C5orf34: variants seen among roughly 807,000 people sequenced by gnomAD.
C5orf34 encodes uncharacterized protein C5orf34.
In C5orf34, 73 loss-of-function variants were observed where a neutral mutation model predicts 78.4. That is an observed-to-expected ratio of 0.93 (90% CI 0.77 to 1.13). The LOEUF (loss-of-function observed/expected upper bound fraction) is 1.13, where lower values mean the gene tolerates loss of function less well. Ranked by LOEUF, C5orf34 falls within the 50% of genes most tolerant of loss-of-function variation. The pLI is 0.00. For synonymous variants in C5orf34, 251 were observed against 246.6 expected (o/e 1.02, Z -0.17); for missense variants, 730 against 732.7 (o/e 1.00, Z 0.04).
chr5:43,492,242 T>A lies in C5orf34; in HGVS notation c.1553A>T (p.Gln518Leu), dbSNP rs1745314475. 1 of 1,611,960 alleles carries A rather than the reference T, an allele frequency of 6.2e-7. No individual in the cohort carries two copies. Among genetic ancestry groups the A allele is most frequent in the African/African-American group, 1.3e-5 (1 of 74,858 alleles). Reference protein sequence around the residue: ...TFPDGQEQLIQIEHPEPYERY... With the variant: ...TFPDGQEQLILIEHPEPYERY... ...TTCATATGGTTCAGGGTGTTCAATC[T>A]GAATTAACTGCTCTTGTCCATCAGG... The change falls in exon 10 of 13, where the codon CAG becomes CTG. Residue 518 changes from glutamine (Q) to leucine (L), a missense_variant. Physicochemically the swap from Gln to Leu is moderately radical, Grantham distance 113 (BLOSUM62 -2). Transcript: ENST00000306862.
intron 6 of C5orf34, among the ~76,000 whole-genome samples, chr5:43,497,650 C>T (rs563692348): frequency 6.6e-6 from 1 of 152,264 alleles, no homozygotes; most frequent in Admixed American, 6.5e-5. Flanking sequence ...GCCTACCATC[C>T]AGACTTATCT....
chr5:43,490,962 G>C (rs1290208492), intron 10 of C5orf34, among the ~76,000 whole-genome samples: 1 of 152,024 alleles, frequency 6.6e-6, no homozygotes, highest in East Asian at 1.9e-4. Flanking sequence ...ATTAATACAA[G>C]TGACATTTAA....
Position 43,486,862 on chromosome 5 carries a change from C to A in C5orf34, c.*53G>T. ...GGCTTACTAGTAATTTTATACCAGT[C>A]ACTTGAAACAACATCCTTAAACTTT... On this transcript the variant is annotated 3_prime_UTR_variant, in exon 13 of 13. Transcript: ENST00000306862. 8.9e-7 allele frequency: 1 copy of A among 1,128,932 alleles called. No individual in the cohort carries two copies. The highest frequency in any genetic ancestry group is 2.2e-5 in the South Asian group (1 of 46,416). 69.9% of individuals were successfully genotyped at this position (1,128,932 alleles called of 1,614,324 possible).
rs1745803952 is a variant in C5orf34, at chr5:43,502,515, A to G, written c.1029-20T>C. 1.4e-6 allele frequency: 2 copies of G among 1,480,522 alleles called. No homozygotes were observed. The highest frequency in any genetic ancestry group is 1.8e-6 in the Non-Finnish European group (2 of 1,086,378). 91.7% of individuals were successfully genotyped at this position (1,480,522 alleles called of 1,614,324 possible). A position where few individuals can be genotyped will look rare whatever the true frequency, so the allele number is the denominator to read the frequency against. ...GTAAGTCTAAGAAATAGAAATAACC[A>G]TTAAAAATTTTTTTCCACTTGAGAT... On this transcript the variant is annotated intron_variant, in intron 5 of 12. Coordinates refer to ENST00000306862, the MANE Select transcript of C5orf34 (RefSeq NM_198566.4).
At chr5:43,509,051 G>C (rs890695482) in intron 2 of C5orf34, 94 bp downstream of exon 2, 6 of 940,370 alleles carry the variant, frequency 6.4e-6, no homozygotes, top group Admixed American at 2.2e-5. Context: ...GCTGCAGTGA[G>C]CTATGGTAGT....
In C5orf34 at chr5:43,490,719, T is replaced by C. The variant is rs766704524; in HGVS notation, c.1591A>G (p.Thr531Ala). Residue 531 changes from threonine to alanine, a missense_variant, in exon 11 of 13, where the codon ACA becomes GCA. Coordinates refer to ENST00000306862, the MANE Select transcript of C5orf34 (RefSeq NM_198566.4). Reference protein sequence around the residue: ...HPEPYERYVTTVTSWCRRLTQ... With the variant: ...HPEPYERYVTAVTSWCRRLTQ... ...AGTCTCCTGCACCATGATGTTACTG[T>C]TGTCACATATCTAAAGTGAATACAT... 6.7e-5 allele frequency: 105 copies of C among 1,572,692 alleles called. No individual in the cohort carries two copies. Among genetic ancestry groups the C allele is most frequent in the Non-Finnish European group, 8.7e-5 (100 of 1,143,404 alleles).
At chr5:43,493,704 A>T (rs1745381140) in intron 7 of C5orf34, 92 bp from the exon 8 acceptor site, 1 of 674,572 alleles carries the variant, frequency 1.5e-6, no homozygotes, top group African/African-American at 1.9e-5. Context: ...ATTTTAGATG[A>T]TCAGTAAATC....
chr5:43,511,873 C>A (rs1746275309), intron 1 of C5orf34, among the ~76,000 whole-genome samples: 1 of 152,008 alleles, frequency 6.6e-6, no homozygotes, highest in South Asian at 2.1e-4. Context: ...TCTCAAGTAC[C>A]CAGGGACACA....
intron 10 of C5orf34, among the ~76,000 whole-genome samples, chr5:43,491,137 C>T (rs2112268471): frequency 6.6e-6 from 1 of 152,252 alleles, no homozygotes; most frequent in South Asian, 2.1e-4. Flanking sequence ...CCAAAAAACA[C>T]CTGCTAATGC....
At chr5:43,495,849 G>A in intron 6 of C5orf34, 1 of 1,592,202 alleles carries the variant, frequency 6.3e-7, no homozygotes, top group Non-Finnish European at 8.6e-7. Context: ...TTAGCACTCG[G>A]CTCCAGCATG....
intron 12 of C5orf34, 40 bp from the exon 13 acceptor site, chr5:43,487,151 A>G: frequency 9.9e-7 from 1 of 1,008,286 alleles, no homozygotes; most frequent in Non-Finnish European, 1.4e-6. Flanking sequence ...CACATTTTTC[A>G]CTATATAAAT....
chr5:43,495,109 G>T (rs1365812099), intron 6 of C5orf34: 44 of 1,567,144 alleles, frequency 2.8e-5, no homozygotes, highest in Non-Finnish European at 3.8e-5. Flanking sequence ...CAGACTTCGT[G>T]ACCTTGCCAC....
intron 1 of C5orf34, among the ~76,000 whole-genome samples, chr5:43,509,761 TTTG>T (rs1417758006): frequency 2.2e-4 from 33 of 152,190 alleles, no homozygotes; most frequent in Admixed American, 5.2e-4. Flanking sequence ...TTTTGTTTTT[TTTG>T]TTTTTTTTTG....
In C5orf34 at chr5:43,487,050, AG is replaced by A; in HGVS notation, c.1781del (p.Ser594PhefsTer14). 6.3e-7 allele frequency: 1 copy of A among 1,577,748 alleles called. No individual in the cohort carries two copies. Among genetic ancestry groups the A allele is most frequent in the Non-Finnish European group, 8.6e-7 (1 of 1,163,832 alleles). On this transcript the variant is annotated frameshift_variant, in exon 13 of 13. Transcript: ENST00000306862. LOFTEE classifies it high-confidence loss of function. ...QISNKKNEQQ[S>X]FDHYKPGSSE... ...AAGATCCTGGTTTATAATGATCAAA[AG>A]ACTGTTGTTCATTTTTCTTGTTAGA... is the stretch of plus-strand genomic sequence containing the variant.
chr5:43,504,262 G>A (rs967881946), intron 4 of C5orf34, among the ~76,000 whole-genome samples: 1 of 150,636 alleles, frequency 6.6e-6, no homozygotes, highest in Non-Finnish European at 1.5e-5. Flanking sequence ...AGCTGAGATC[G>A]CGCCAGCCTG....
intron 10 of C5orf34, among the ~76,000 whole-genome samples, chr5:43,491,479 A>C (rs942400707): frequency 1.3e-5 from 2 of 152,244 alleles, no homozygotes; most frequent in African/African-American, 4.8e-5. Flanking sequence ...AAAAAAATTC[A>C]TAAAAAGCTG....
chr5:43,506,260 C>T lies in C5orf34; in HGVS notation c.420G>A (p.Gln140=). The change falls in exon 4 of 13, where the codon CAG becomes CAA. Residue 140 remains glutamine (Q), a synonymous_variant. Transcript: ENST00000306862. ...ACAAAAAATGTACTGTAAATTCATG[C>T]TGAGATCTGGGCAGGCAGAGGTATG... is the stretch of plus-strand genomic sequence containing the variant. ...GHAYLCLPRS[Q]HEFTVHFLCK... 1 of 1,614,166 alleles carries T rather than the reference C, an allele frequency of 6.2e-7. No homozygotes were observed. The highest frequency in any genetic ancestry group is 8.5e-7 in the Non-Finnish European group (1 of 1,180,030).
rs1410064132 is a variant in C5orf34, at chr5:43,490,046, T to A, written c.1679+585A>T. Among the ~76,000 whole-genome samples the A allele has an allele frequency of 3.9e-5, 6 of 152,156 alleles. No individual in the cohort carries two copies. In the East Asian group the frequency reaches 1.2e-3, roughly 29 times the overall value. On this transcript the variant is annotated intron_variant, in intron 11 of 12. Transcript: ENST00000306862. ...TATGTTCCATAAAAACTATCTTCTA[T>A]CTCCACAGGCTAAAATATCCTTTTT...
At chr5:43,499,978 G>C (rs1256358479) in intron 6 of C5orf34, among the ~76,000 whole-genome samples, 2 of 152,102 alleles carry the variant, frequency 1.3e-5, no homozygotes, top group African/African-American at 4.8e-5. Context: ...TATTTCTCTA[G>C]GCTAGATACT....
Sources: allele counts gnomAD v4.1 joint callset (sites outside exome capture counted in the v4.1 genomes callset), GRCh38; gene constraint gnomAD v4.1.1; transcripts MANE v1.5; gene names NCBI Gene and HGNC (gene_info 2026-07-23, HGNC 2026-07-21).